Variants in EVC observed in about 807,000 individuals in gnomAD.
EVC encodes the protein evC complex member EVC.
A neutral mutation model predicts 118.9 loss-of-function variants in EVC; 116 were observed. That is an observed-to-expected ratio of 0.98 (90% CI 0.84 to 1.14). The LOEUF is 1.14. Ranked by LOEUF, EVC falls within the 50% of genes most tolerant of loss-of-function variation. The pLI is 0.00. For synonymous variants in EVC, 619 were observed against 534.7 expected (o/e 1.16, Z -2.18); for missense variants, 1,401 against 1,246.4 (o/e 1.12, Z -1.87).
intron 11 of EVC, among the ~76,000 whole-genome samples, chr4:5,778,711 T>C (rs1371694804): frequency 6.6e-6 from 1 of 152,096 alleles, no homozygotes; most frequent in African/African-American, 2.4e-5. Flanking sequence ...TGTAAATGTG[T>C]TTGAGTTCAT....
chr4:5,827,920 C>T, the EVC span: 2 of 550,332 alleles, frequency 3.6e-6, no homozygotes, highest in Non-Finnish European at 4.6e-6. Flanking sequence ...AGAGCCTGCT[C>T]CTTCCCTTTG....
the EVC span, among the ~76,000 whole-genome samples, chr4:5,828,847 A>G: frequency 0.011 from 1,600 of 152,324 alleles, 24 homozygotes; most frequent in African/African-American, 0.036. Context: ...TATATAACCA[A>G]CAACTCACCG....
rs750141808 is a variant in EVC, at chr4:5,733,350, G to C, written c.618-1G>C. 1 of 1,613,298 alleles carries C rather than the reference G, an allele frequency of 6.2e-7. No individual in the cohort carries two copies. The highest frequency in any genetic ancestry group is 1.7e-5 in the Admixed American group (1 of 60,034). On this transcript the variant is annotated splice_acceptor_variant, in intron 4 of 20. Transcript: ENST00000264956. LOFTEE classifies it high-confidence loss of function. ...TTTCCGCTTCTCATTTTATTTTGCA[G>C]TGTAGACGTTGACCTGTGTATCTAC... is the stretch of plus-strand genomic sequence containing the variant.
In EVC at chr4:5,755,734, C is replaced by T. The variant is rs776611326; in HGVS notation, c.1465-530C>T. The stretch of plus-strand genomic sequence containing the variant: ...GTTCCTCTGTCCTTCTGCCCCACCT[C>T]GCCCCTCGCTGATGCTCTGTTTAGG... On this transcript the variant is annotated intron_variant, in intron 10 of 20. Transcript: ENST00000264956. This position sits in a 1 kb window ranked among gnomAD's most constrained non-coding sequence, Gnocchi z 4.1. 1.3e-5 allele frequency among the ~76,000 whole-genome samples: 2 copies of T among 152,192 alleles called. No individual in the cohort carries two copies. Among genetic ancestry groups the T allele is most frequent in the Non-Finnish European group, 2.9e-5 (2 of 68,040 alleles).
chr4:5,739,340 T>C (rs1161866782), intron 5 of EVC, among the ~76,000 whole-genome samples: 4 of 152,196 alleles, frequency 2.6e-5, no homozygotes, highest in Admixed American at 6.5e-5. Flanking sequence ...CTCATTGTCA[T>C]TGGCAAATAT....
chr4:5,781,710 A>T (rs1049389683), intron 11 of EVC, among the ~76,000 whole-genome samples: 2 of 152,172 alleles, frequency 1.3e-5, no homozygotes, highest in African/African-American at 2.4e-5. Flanking sequence ...ATAGTGGCAT[A>T]CACTCTATAG....
At chr4:5,744,968 G>GTTTTTTT (rs112283154) in intron 6 of EVC, among the ~76,000 whole-genome samples, 3,631 of 139,688 alleles carry the variant, frequency 0.026, 70 homozygotes, top group Non-Finnish European at 0.038. Context: ...GTATGGTCTA[G>GTTTTTTT]TTTTTTTTTT....
chr4:5,735,307 G>A (rs34726624), intron 5 of EVC, among the ~76,000 whole-genome samples: 37 of 152,220 alleles, frequency 2.4e-4, no homozygotes, highest in South Asian at 2.1e-3. Context: ...GGGGAGTCTC[G>A]TGGGTGGAAA....
rs775402958 is a variant in EVC at position 5,783,661 on chromosome 4, G to A, written c.1673G>A (p.Arg558Lys). 11 of 1,614,044 alleles carry A rather than the reference G, an allele frequency of 6.8e-6. No individual in the cohort carries two copies. Among genetic ancestry groups the A allele is most frequent in the African/African-American group, 1.3e-5 (1 of 74,920 alleles). The change falls in exon 12 of 21, where the codon AGG (arginine) becomes AAG (lysine). Residue 558 changes from arginine to lysine, a missense_variant. Arg to Lys is a conservative substitution (Grantham distance 26). Transcript: ENST00000264956. ...CCCCCGGAAGAGTGTGACTACTTGAGGCAGGAAGTCCAGGAGAACGCTGCC... is the reference window on the plus strand; with the variant it reads ...CCCCCGGAAGAGTGTGACTACTTGAAGCAGGAAGTCCAGGAGAACGCTGCC... ...GLPPEECDYLRQEVQENAAWQ... is the reference protein window; with the variant it reads ...GLPPEECDYLKQEVQENAAWQ...
intron 11 of EVC, among the ~76,000 whole-genome samples, chr4:5,769,228 A>G (rs1371249570): frequency 6.6e-6 from 1 of 152,162 alleles, no homozygotes; most frequent in African/African-American, 2.4e-5. Flanking sequence ...GCAGCAGGCA[A>G]GAGAGAGCAT....
At chr4:5,723,379 C>T (rs1186525134) in intron 2 of EVC, among the ~76,000 whole-genome samples, 1 of 151,870 alleles carries the variant, frequency 6.6e-6, no homozygotes, top group Non-Finnish European at 1.5e-5. Flanking sequence ...TTAGTAGAGG[C>T]GGGCTTCCAC....
rs935803671 is a variant in EVC, at chr4:5,749,751, G to T, written c.1098+1445G>T. ...TGTGCACCAGCCCGTGTGGCAGCTC[G>T]GCTCAGAACCCTGCAGTGGCCACCC... is the stretch of plus-strand genomic sequence containing the variant. On this transcript the variant is annotated intron_variant, in intron 8 of 20. Transcript: ENST00000264956. The surrounding 1 kb of genome is among the most constrained non-coding windows in gnomAD (Gnocchi z 4.4). Among the ~76,000 whole-genome samples, 1 of 152,078 alleles carries T rather than the reference G, an allele frequency of 6.6e-6. No homozygotes were observed. Among genetic ancestry groups the T allele is most frequent in the African/African-American group, 2.4e-5 (1 of 41,398 alleles).
chr4:5,828,615 C>G, the EVC span: 1 of 1,614,192 alleles, frequency 6.2e-7, no homozygotes, highest in Non-Finnish European at 8.5e-7. Flanking sequence ...GGCTGATGAC[C>G]ACTAGTGGGG....
intron 12 of EVC, among the ~76,000 whole-genome samples, chr4:5,785,193 C>T (rs1251037171): frequency 2.0e-5 from 3 of 152,260 alleles, no homozygotes; most frequent in Non-Finnish European, 2.9e-5. Context: ...CTTCTTAGAA[C>T]GCATGGGAGG....
chr4:5,727,042 G>T (rs1322386913), intron 2 of EVC, among the ~76,000 whole-genome samples: 1 of 152,176 alleles, frequency 6.6e-6, no homozygotes, highest in African/African-American at 2.4e-5. Flanking sequence ...ACATGTGCAT[G>T]TGTCTTTATA....
At chr4:5,805,441 G>A (rs1410257163) in intron 17 of EVC, among the ~76,000 whole-genome samples, 2 of 152,182 alleles carry the variant, frequency 1.3e-5, no homozygotes, top group African/African-American at 4.8e-5. Flanking sequence ...TCAGTAACAG[G>A]TGTCAGGAAA....
At chr4:5,777,671 AT>A (rs1481688211) in intron 11 of EVC, among the ~76,000 whole-genome samples, 3 of 152,170 alleles carry the variant, frequency 2.0e-5, no homozygotes, top group Admixed American at 6.5e-5. Context: ...GGTCCAAGTT[AT>A]CTGGTTAGCC....
chr4:5,806,085 CTT>C (rs113680421), intron 17 of EVC, among the ~76,000 whole-genome samples: 2 of 144,496 alleles, frequency 1.4e-5, no homozygotes, highest in Non-Finnish European at 1.5e-5. Context: ...CTTCCACTCT[CTT>C]TTTTTTTTTT....
chr4:5,734,964 G>A (rs912502708), intron 5 of EVC, among the ~76,000 whole-genome samples: 2 of 152,158 alleles, frequency 1.3e-5, no homozygotes, highest in Non-Finnish European at 2.9e-5. Flanking sequence ...AGCCTGTCCA[G>A]TTGGCAAGCA....
Sources: allele counts gnomAD v4.1 joint callset (sites outside exome capture counted in the v4.1 genomes callset), GRCh38; gene constraint gnomAD v4.1.1; non-coding constraint Gnocchi (gnomAD v3.1); transcripts MANE v1.5; gene names NCBI Gene and HGNC (gene_info 2026-07-23, HGNC 2026-07-21).